AGO3: variants seen among roughly 807,000 people sequenced by gnomAD.
The protein encoded by AGO3 is protein argonaute-3.
AGO3 carries 16 observed loss-of-function variants against 105.5 expected under a neutral mutation model. That is an observed-to-expected ratio of 0.15 (90% CI 0.10 to 0.23). AGO3 has a LOEUF of 0.23. Ranked by LOEUF, AGO3 falls within the 10% of genes least tolerant of loss-of-function variation. The pLI is 1.00. For synonymous variants in AGO3, 340 were observed against 367.3 expected, an observed-to-expected ratio of 0.93 and a Z score of 0.85; for missense variants, 534 against 1,088.0, an observed-to-expected ratio of 0.49 and a Z score of 7.16.
At chr1:36,010,369 C>T (rs2148815645) in intron 9 of AGO3, among the ~76,000 whole-genome samples, 1 of 151,942 alleles carries the variant, frequency 6.6e-6, no homozygotes, top group East Asian at 2.0e-4. Flanking sequence ...TTTGGGAGGC[C>T]AAGGCGGGTG....
In AGO3 at chr1:35,931,355, C is replaced by T. The variant is rs1040967995; in HGVS notation, c.-72C>T. On this transcript the variant is annotated 5_prime_UTR_variant, in exon 1 of 19. Coordinates refer to ENST00000373191, the MANE Select transcript of AGO3 (RefSeq NM_024852.4). ...GTGCCCGTCGCGTCGCGCCGCGTCG[C>T]CCCCCGGGCCGCCTCCTTGCCGCCA... The T allele has an allele frequency of 4.4e-6, 6 of 1,357,978 alleles. No homozygotes were observed. The highest frequency in any genetic ancestry group is 7.2e-5 in the Admixed American group (2 of 27,876). 84.1% of individuals were successfully genotyped at this position (1,357,978 alleles called of 1,614,324 possible). A position where few individuals can be genotyped will look rare whatever the true frequency, so the allele number is the denominator to read the frequency against.
chr1:35,932,589 A>G (rs527835158), intron 1 of AGO3, among the ~76,000 whole-genome samples: 1 of 150,114 alleles, frequency 6.7e-6, no homozygotes, highest in Non-Finnish European at 1.5e-5. Context: ...ATTTTGTTAC[A>G]TGGAAGTTTC....
At chr1:35,960,821 A>G (rs994887754) in intron 2 of AGO3, among the ~76,000 whole-genome samples, 2 of 152,026 alleles carry the variant, frequency 1.3e-5, no homozygotes, top group Non-Finnish European at 2.9e-5. Context: ...TTCCAGTGCT[A>G]TTTCCTTAAG....
At chr1:35,971,964 C>G in intron 3 of AGO3, 60 bp from the exon 4 acceptor site, 1 of 1,458,442 alleles carries the variant, frequency 6.9e-7, no homozygotes, top group East Asian at 2.4e-5. Context: ...TAAGTTAAAT[C>G]TAAAATAATT....
intron 5 of AGO3, among the ~76,000 whole-genome samples, chr1:35,989,801 G>A (rs926713104): frequency 6.6e-6 from 1 of 152,048 alleles, no homozygotes; most frequent in African/African-American, 2.4e-5. Flanking sequence ...CTTGAGCCGG[G>A]AGGTGGAGGT....
At chr1:35,957,593 G>T (rs1004622648) in intron 2 of AGO3, among the ~76,000 whole-genome samples, 1 of 151,836 alleles carries the variant, frequency 6.6e-6, no homozygotes, top group African/African-American at 2.4e-5. Flanking sequence ...GGGCGTGGTG[G>T]CACGTGCTTG....
chr1:36,034,429 C>A, intron 13 of AGO3, 96 bp downstream of exon 13: 1 of 846,864 alleles, frequency 1.2e-6, no homozygotes, highest in Non-Finnish European at 1.6e-6. Flanking sequence ...GTGTAAGAGA[C>A]CCCCTTAATA....
intron 4 of AGO3, among the ~76,000 whole-genome samples, chr1:35,972,856 ATTTTTTTT>A (rs1165696072): frequency 8.1e-6 from 1 of 122,894 alleles, no homozygotes; most frequent in African/African-American, 3.1e-5. Context: ...TTAAAAAAAA[ATTTTTTTT>A]TTTTTTTTTT....
rs182108315 is a variant in AGO3, at chr1:36,027,889, T to C, written c.1591+591T>C. On this transcript the variant is annotated intron_variant, in intron 12 of 18. Transcript: ENST00000373191. The surrounding 1 kb of genome is among the most constrained non-coding windows in gnomAD (Gnocchi z 4.0). ...TGAGATAATTTGAGTATCAGTATAA[T>C]GTAGTGGTTAAAAGCACAGGCTATC... is the stretch of plus-strand genomic sequence containing the variant. Among the ~76,000 whole-genome samples the C allele has an allele frequency of 8.5e-5, 13 of 152,180 alleles. No homozygotes were observed. Among genetic ancestry groups the C allele is most frequent in the East Asian group, 1.9e-4 (1 of 5,182 alleles).
intron 5 of AGO3, among the ~76,000 whole-genome samples, chr1:35,995,205 A>ATATATATATATAT (rs1553164834): frequency 4.4e-5 from 5 of 112,668 alleles, no homozygotes; most frequent in African/African-American, 2.2e-4. Flanking sequence ...TGTCTAAAAA[A>ATATATATATATAT]AAAAATATAT....
chr1:36,049,344 C>T (rs907456323), intron 17 of AGO3, among the ~76,000 whole-genome samples: 6 of 151,880 alleles, frequency 4.0e-5, no homozygotes, highest in Admixed American at 3.9e-4. Context: ...ATGGTGAAAC[C>T]CCATCTCTAC....
intron 17 of AGO3, among the ~76,000 whole-genome samples, chr1:36,047,014 G>A (rs746577369): frequency 6.6e-6 from 1 of 152,202 alleles, no homozygotes; most frequent in Non-Finnish European, 1.5e-5. Context: ...GGAGGCCGAG[G>A]CAGGCAGAAC....
At chr1:35,957,437 C>G (rs540628270) in intron 2 of AGO3, among the ~76,000 whole-genome samples, 1 of 152,064 alleles carries the variant, frequency 6.6e-6, no homozygotes, top group Admixed American at 6.6e-5. Flanking sequence ...GTGAAATGCT[C>G]TGTATGAGCT....
intron 2 of AGO3, among the ~76,000 whole-genome samples, chr1:35,953,416 A>G (rs182985795): frequency 2.0e-5 from 3 of 151,968 alleles, no homozygotes; most frequent in African/African-American, 7.2e-5. Context: ...GTTGTATCTC[A>G]TTGTCGTTTT....
intron 1 of AGO3, among the ~76,000 whole-genome samples, chr1:35,941,443 A>T (rs1646253542): frequency 6.6e-6 from 1 of 152,154 alleles, no homozygotes. Flanking sequence ...TTTTTCACTC[A>T]GAACTCAGAG....
chr1:36,030,446 G>A (rs1490079062), intron 12 of AGO3, among the ~76,000 whole-genome samples: 4 of 150,696 alleles, frequency 2.7e-5, no homozygotes, highest in Admixed American at 6.6e-5. Flanking sequence ...AGGTTGCAGT[G>A]AGCCAAGATC....
At chr1:36,035,137 C>T (rs1301024632) in intron 13 of AGO3, among the ~76,000 whole-genome samples, 4 of 152,182 alleles carry the variant, frequency 2.6e-5, no homozygotes, top group African/African-American at 9.7e-5. Flanking sequence ...TCCATGCCAT[C>T]TCTACTTTCT....
At chr1:35,956,092 A>G (rs1218164089) in intron 2 of AGO3, among the ~76,000 whole-genome samples, 3 of 152,188 alleles carry the variant, frequency 2.0e-5, no homozygotes, top group East Asian at 1.9e-4. Context: ...ATACTGCAGC[A>G]TACCCCTTGG....
chr1:35,991,333 C>G (rs1296061105), intron 5 of AGO3, among the ~76,000 whole-genome samples: 1 of 152,000 alleles, frequency 6.6e-6, no homozygotes, highest in Non-Finnish European at 1.5e-5. Context: ...ATCTCAGTGA[C>G]AGTCTTCATG....
Sources: gnomAD v4.1 joint callset for allele counts (sites outside exome capture counted in the v4.1 genomes callset) on GRCh38, gnomAD v4.1.1 for gene constraint, Gnocchi (gnomAD v3.1) non-coding constraint, MANE v1.5 for transcripts, NCBI Gene and HGNC (gene_info 2026-07-23, HGNC 2026-07-21) for gene names.